The following SMAD2 variants were observed in gnomAD, a reference collection of about 807,000 sequenced individuals.
SMAD2 encodes the protein SMAD family member 2, also known as MAD homolog 2.
A neutral mutation model predicts 64.4 loss-of-function variants in SMAD2; 8 were observed. The observed-to-expected ratio is 0.12, with a 90% CI of 0.07 to 0.22. SMAD2 has a LOEUF of 0.22. Ranked by LOEUF, SMAD2 falls within the 10% of genes least tolerant of loss-of-function variation. The probability of loss-of-function intolerance (pLI) is 1.00; values close to 1 mark genes in which losing one functional copy is unlikely to be tolerated. For missense variants in SMAD2, 289 were observed against 561.2 expected (o/e 0.51, Z 4.90); for synonymous variants, 203 against 195.8 (o/e 1.04, Z -0.31).
At position 47,818,745 on chromosome 18, in the gene SMAD2, AG is replaced by A. The variant is rs1912459414; in HGVS notation, c.*23081del. On this transcript the variant is annotated 3_prime_UTR_variant, in exon 11 of 11. Coordinates refer to ENST00000262160, the MANE Select transcript of SMAD2 (RefSeq NM_005901.6). ...ATTTGAAACTGAAAAAAGGGAAAAA[AG>A]GGGTTGGGGAGGTGGGGTAAGAGGT... The A allele has an allele frequency of 6.6e-6, 1 of 152,226 alleles. No homozygotes were observed. The highest frequency in any genetic ancestry group is 1.9e-4 in the East Asian group (1 of 5,208). 9.4% of individuals were successfully genotyped at this position (152,226 alleles called of 1,614,324 possible).
intron 2 of SMAD2, among the ~76,000 whole-genome samples, chr18:47,874,349 C>G (rs1197939909): frequency 6.6e-6 from 1 of 152,150 alleles, no homozygotes; most frequent in East Asian, 1.9e-4. Context: ...ATACGAAGCT[C>G]TAGAAGTGGC....
rs1429275545 is a variant in SMAD2, at chr18:47,841,048, T to C, written c.*779A>G. 4.3e-6 allele frequency: 1 copy of C among 232,274 alleles called. No homozygotes were observed. Among genetic ancestry groups the C allele is most frequent in the Non-Finnish European group, 8.5e-6 (1 of 117,624 alleles). The allele number at this position is 232,274 out of a possible 1,614,324, so 14.4% of individuals were successfully genotyped here. ...GCAACTATTACTGGTGATGATGTCA[T>C]GTTATGCTGTTTTGATTATGAGGAC... On this transcript the variant is annotated 3_prime_UTR_variant, in exon 11 of 11. Transcript: ENST00000262160.
At chr18:47,914,822 C>T (rs909867839) in intron 1 of SMAD2, among the ~76,000 whole-genome samples, 1 of 151,976 alleles carries the variant, frequency 6.6e-6, no homozygotes, top group African/African-American at 2.4e-5. Context: ...TTGCTGGTTA[C>T]TTTAAGTTTA....
intron 1 of SMAD2, chr18:47,912,371 A>G (rs2034171318): frequency 6.6e-6 from 1 of 152,214 alleles, no homozygotes; most frequent in African/African-American, 2.4e-5. Flanking sequence ...GTGACCGACT[A>G]CCTAATGTAA....
intron 10 of SMAD2, among the ~76,000 whole-genome samples, chr18:47,844,376 G>A (rs914943694): frequency 6.6e-5 from 10 of 152,096 alleles, no homozygotes; most frequent in African/African-American, 2.4e-4. Context: ...TTCTTAAGCA[G>A]GCATATGGAG....
rs1414947480 is a variant in SMAD2 at position 47,836,455 on chromosome 18, A to T, written c.*5372T>A. The T allele has an allele frequency of 1.4e-5, 3 of 220,502 alleles. No individual in the cohort carries two copies. In the South Asian group the frequency reaches 5.5e-4, roughly 41 times the overall value. The allele number at this position is 220,502 out of a possible 1,614,324, so 13.7% of individuals were successfully genotyped here. ...TATTAAATGAACTGCCAAATGGCAGATTAAGAAAATTAATGTACTCCAATG... is the reference window on the plus strand; with the variant it reads ...TATTAAATGAACTGCCAAATGGCAGTTTAAGAAAATTAATGTACTCCAATG... On this transcript the variant is annotated 3_prime_UTR_variant, in exon 11 of 11. Transcript: ENST00000262160.
At position 47,809,442 on chromosome 18, in the gene SMAD2, A is replaced by C. The variant is rs1218776605; in HGVS notation, c.*32385T>G. The C allele has an allele frequency of 6.6e-6, 1 of 152,298 alleles. No homozygotes were observed. Among genetic ancestry groups the C allele is most frequent in the African/African-American group, 2.4e-5 (1 of 41,440 alleles). The allele number at this position is 152,298 out of a possible 1,614,324, so 9.4% of individuals were successfully genotyped here. On this transcript the variant is annotated 3_prime_UTR_variant, in exon 11 of 11. Coordinates refer to ENST00000262160, the MANE Select transcript of SMAD2 (RefSeq NM_005901.6). ...AGGATAACCTGTGGGGGAATTGTGA[A>C]GTAGACTAGCCAGTGTAGATGTGTG...
chr18:47,876,509 C>T (rs976758442), intron 2 of SMAD2, among the ~76,000 whole-genome samples: 1 of 151,928 alleles, frequency 6.6e-6, no homozygotes, highest in African/African-American at 2.4e-5. Context: ...AATGTTCTTG[C>T]TTATATATCT....
Position 47,841,659 on chromosome 18 carries a change from T to G in SMAD2, c.*168A>C. ...TAGACACTAATTTTCCCATCTAATATTCAAATATAGGAAACAGATTCCACA... is the reference window on the plus strand; with the variant it reads ...TAGACACTAATTTTCCCATCTAATAGTCAAATATAGGAAACAGATTCCACA... On this transcript the variant is annotated 3_prime_UTR_variant, in exon 11 of 11. Coordinates refer to ENST00000262160, the MANE Select transcript of SMAD2 (RefSeq NM_005901.6). The G allele has an allele frequency of 1.4e-6, 1 of 701,146 alleles. No homozygotes were observed. The highest frequency in any genetic ancestry group is 2.5e-6 in the Non-Finnish European group (1 of 404,952). The allele number at this position is 701,146 out of a possible 1,614,324, so 43.4% of individuals were successfully genotyped here.
intron 1 of SMAD2, among the ~76,000 whole-genome samples, chr18:47,924,580 G>T (rs985234821): frequency 2.0e-5 from 3 of 151,688 alleles, no homozygotes; most frequent in African/African-American, 7.3e-5. Context: ...TCCTACCTCA[G>T]CCTCTTGAGC....
chr18:47,849,282 C>T (rs1914846501), intron 7 of SMAD2, among the ~76,000 whole-genome samples: 1 of 151,880 alleles, frequency 6.6e-6, no homozygotes, highest in Non-Finnish European at 1.5e-5. Context: ...TAGAAACAGA[C>T]CATAGAGTCA....
At chr18:47,891,685 T>C (rs1382762138) in intron 2 of SMAD2, among the ~76,000 whole-genome samples, 4 of 152,090 alleles carry the variant, frequency 2.6e-5, no homozygotes, top group South Asian at 2.1e-4. Flanking sequence ...CTGCCACGTC[T>C]GGCTAGAAAT....
At chr18:47,927,442 T>G (rs1290256966) in intron 1 of SMAD2, among the ~76,000 whole-genome samples, 2 of 152,222 alleles carry the variant, frequency 1.3e-5, no homozygotes, top group African/African-American at 4.8e-5. Context: ...TGTCTTACTC[T>G]AAACACTGGA....
chr18:47,833,547 T>C lies in SMAD2; in HGVS notation c.*8280A>G. The C allele has an allele frequency of 4.3e-6, 1 of 230,646 alleles. No individual in the cohort carries two copies. The highest frequency in any genetic ancestry group is 8.6e-6 in the Non-Finnish European group (1 of 116,270). The allele number at this position is 230,646 out of a possible 1,614,324, so 14.3% of individuals were successfully genotyped here. A position where few individuals can be genotyped will look rare whatever the true frequency, so the allele number is the denominator to read the frequency against. On this transcript the variant is annotated 3_prime_UTR_variant, in exon 11 of 11. Coordinates refer to ENST00000262160, the MANE Select transcript of SMAD2 (RefSeq NM_005901.6). ...GAGGGAAACAAGAACAGGGTCTGCA[T>C]CCATCATATTGCATTACAAAGTTAA...
At chr18:47,868,481 G>A (rs2144374577) in intron 4 of SMAD2, 24 bp from the exon 5 acceptor site, 1 of 1,606,366 alleles carries the variant, frequency 6.2e-7, no homozygotes, top group Non-Finnish European at 8.5e-7. Flanking sequence ...AGAAATCCAA[G>A]TTAATGGCAA....
intron 5 of SMAD2, among the ~76,000 whole-genome samples, chr18:47,865,373 G>A (rs536398547): frequency 6.6e-6 from 1 of 152,082 alleles, no homozygotes; most frequent in Non-Finnish European, 1.5e-5. Flanking sequence ...CATTATGTAC[G>A]TATCTTGCTC....
rs377292093 is a variant in SMAD2, at chr18:47,848,542, C to T, written c.930G>A (p.Arg310=). ...DGFTDPSNSE[R]FCLGLLSNVN... The stretch of plus-strand genomic sequence containing the variant: ...CATTGGAGAGTAAACCTAAGCAGAA[C>T]CTCTCTGAATTTGATGGGTCTGTAA... The change falls in exon 8 of 11, where the codon AGG becomes AGA. Residue 310 remains arginine (R), a synonymous_variant. Transcript: ENST00000262160. 5 of 1,613,906 alleles carry T rather than the reference C, an allele frequency of 3.1e-6. No individual in the cohort carries two copies. In the African/African-American group the frequency reaches 4.0e-5, roughly 13 times the overall value.
In SMAD2 at chr18:47,837,577, A is replaced by AC. The variant is rs1418476131; in HGVS notation, c.*4249_*4250insG. 8 of 227,644 alleles carry AC rather than the reference A, an allele frequency of 3.5e-5. No homozygotes were observed. In the South Asian group the frequency reaches 5.5e-4, roughly 16 times the overall value. 14.1% of individuals were successfully genotyped at this position (227,644 alleles called of 1,614,324 possible). On this transcript the variant is annotated 3_prime_UTR_variant, in exon 11 of 11. Transcript: ENST00000262160. ...ACTCCCTCTCAAAAAAAAAAAAAAA[A>AC]AACAAAAAACAAGGCTAACAAGAAA...
rs1318493671 is a variant in SMAD2 at position 47,829,907 on chromosome 18, G to C, written c.*11920C>G. 6.6e-6 allele frequency: 1 copy of C among 152,146 alleles called. No individual in the cohort carries two copies. Among genetic ancestry groups the C allele is most frequent in the African/African-American group, 2.4e-5 (1 of 41,436 alleles). 9.4% of individuals were successfully genotyped at this position (152,146 alleles called of 1,614,324 possible). ...TTTCAGAGTATAAAATTTTGTCAGT[G>C]GTTTTCATTTTAGAATTAAAAATTT... On this transcript the variant is annotated 3_prime_UTR_variant, in exon 11 of 11. Transcript: ENST00000262160.
Sources: allele counts gnomAD v4.1 joint callset (sites outside exome capture counted in the v4.1 genomes callset), GRCh38; gene constraint gnomAD v4.1.1; transcripts MANE v1.5; gene names NCBI Gene and HGNC (gene_info 2026-07-23, HGNC 2026-07-21).